DNAH8: variants seen among roughly 807,000 people sequenced by gnomAD.
The protein encoded by DNAH8 is dynein axonemal heavy chain 8, also known as axonemal beta dynein heavy chain 8.
A neutral mutation model predicts 562.1 loss-of-function variants in DNAH8; 382 were observed. The ratio of observed to expected loss-of-function variants is 0.68; its 90% CI spans 0.63 to 0.74. The LOEUF is 0.74. Among genes scored for constraint, DNAH8 ranks in the 30% least tolerant of loss-of-function variants. The probability of loss-of-function intolerance (pLI) is 0.00; values close to 1 mark genes in which losing one functional copy is unlikely to be tolerated. For missense variants in DNAH8, 5,203 were observed against 5,620.4 expected, an observed-to-expected ratio of 0.93 and a Z score of 2.37; for synonymous variants, 1,881 against 1,919.4, an observed-to-expected ratio of 0.98 and a Z score of 0.52.
chr6:38,763,111 T>A (rs1269630582), intron 11 of DNAH8: 25 of 343,726 alleles, frequency 7.3e-5, no homozygotes, highest in South Asian at 6.1e-4. Flanking sequence ...GGATAATGAC[T>A]ACTTCACTTG....
chr6:38,943,238 A>G (rs1783599199), intron 79 of DNAH8, among the ~76,000 whole-genome samples: 1 of 152,250 alleles, frequency 6.6e-6, no homozygotes, highest in Non-Finnish European at 1.5e-5. Context: ...TGGCTTAGCA[A>G]TAAAGGAGTT....
rs550906613 is a variant in DNAH8, at chr6:38,937,383, A to G, written c.11564-591A>G. 7.9e-5 allele frequency among the ~76,000 whole-genome samples: 12 copies of G among 152,322 alleles called. No individual in the cohort carries two copies. The South Asian group carries it at 2.5e-3, about 32-fold the overall frequency. On this transcript the variant is annotated intron_variant, in intron 77 of 92. Coordinates refer to ENST00000327475, the MANE Select transcript of DNAH8 (RefSeq NM_001206927.2). The stretch of plus-strand genomic sequence containing the variant: ...AAAAAAAATAATGAAAGGCAAAACT[A>G]AAAATAAAATTCAAGTTTCTCTTCC...
At chr6:38,751,213 C>T (rs1162117968) in intron 9 of DNAH8, among the ~76,000 whole-genome samples, 2 of 152,128 alleles carry the variant, frequency 1.3e-5, no homozygotes, top group African/African-American at 4.8e-5. Context: ...ATTGGAAGGC[C>T]CCAGTCCCTT....
rs147729642 is a variant in DNAH8 at position 38,931,883 on chromosome 6, C to T, written c.11347C>T (p.Pro3783Ser). Residue 3783 changes from proline to serine, a missense_variant, in exon 76 of 93, where the codon CCT becomes TCT. By Grantham distance (74) the Pro-to-Ser change is moderately conservative. Around this residue, in one of 6 missense-constraint regions of DNAH8, gnomAD observed 1,399 missense variants for 1,518.4 expected, o/e 0.92. Coordinates refer to ENST00000327475, the MANE Select transcript of DNAH8 (RefSeq NM_001206927.2). The part of the protein sequence containing the change: ...KLYITTKLPN[P>S]AFTPEINAKT... ...TTACATTACTACGAAGTTACCAAAT[C>T]CTGCCTTTACCCCAGAGATTAATGC... 44 of 1,611,142 alleles carry T rather than the reference C, an allele frequency of 2.7e-5. No homozygotes were observed. The highest frequency in any genetic ancestry group is 4.5e-5 in the East Asian group (2 of 44,668).
At chr6:38,904,184 G>A (rs1583313871) in intron 62 of DNAH8, among the ~76,000 whole-genome samples, 1 of 152,254 alleles carries the variant, frequency 6.6e-6, no homozygotes, top group East Asian at 1.9e-4. Context: ...TGAGAATTTA[G>A]TTCAGTACAT....
rs754916668 is a variant in DNAH8, at chr6:38,945,545, T to G, written c.12086T>G (p.Val4029Gly). ...CTTGACATGACTTGGCTGAATCTTG[T>G]GGAGCTGAGTAAACTTCCACAATTT... ...WILDMTWLNL[V>G]ELSKLPQFAE... The change falls in exon 80 of 93, where the codon GTG becomes GGG. Residue 4029 changes from valine (V) to glycine (G), a missense_variant. By Grantham distance (109) the Val-to-Gly change is moderately radical (BLOSUM62 -3). This residue lies in a region of DNAH8 where 1,399 missense variants were observed against 1,518.4 expected (regional missense o/e 0.92). Transcript: ENST00000327475. 3 of 1,614,156 alleles carry G rather than the reference T, an allele frequency of 1.9e-6. No individual in the cohort carries two copies. Among genetic ancestry groups the G allele is most frequent in the Admixed American group, 3.3e-5 (2 of 60,030 alleles).
chr6:38,931,798 T>C lies in DNAH8; in HGVS notation c.11275-13T>C. On this transcript the variant is annotated splice_polypyrimidine_tract_variant and intron_variant, in intron 75 of 92. Coordinates refer to ENST00000327475, the MANE Select transcript of DNAH8 (RefSeq NM_001206927.2). ...TTTAAGCTGTTTTTAATTTTATATG[T>C]GAATTTATGTAGGTGAAAGTCGGTG... 1 of 1,516,026 alleles carries C rather than the reference T, an allele frequency of 6.6e-7. No homozygotes were observed. The highest frequency in any genetic ancestry group is 8.9e-7 in the Non-Finnish European group (1 of 1,129,140). The allele number at this position is 1,516,026 out of a possible 1,614,324, so 93.9% of individuals were successfully genotyped here. A position where few individuals can be genotyped will look rare whatever the true frequency, so the allele number is the denominator to read the frequency against.
At chr6:38,754,239 A>G (rs1359084321) in intron 9 of DNAH8, among the ~76,000 whole-genome samples, 7 of 152,184 alleles carry the variant, frequency 4.6e-5, no homozygotes, top group African/African-American at 1.2e-4. Flanking sequence ...TAAAGTTCAG[A>G]TGAAGGACGT....
intron 3 of DNAH8, among the ~76,000 whole-genome samples, chr6:38,724,343 T>C (rs1763030558): frequency 6.6e-6 from 1 of 152,192 alleles, no homozygotes; most frequent in Non-Finnish European, 1.5e-5. Context: ...AGTTAGCAAC[T>C]AGAATTTTGG....
At chr6:38,768,855 T>A (rs2127619047) in intron 11 of DNAH8, among the ~76,000 whole-genome samples, 1 of 152,322 alleles carries the variant, frequency 6.6e-6, no homozygotes, top group Non-Finnish European at 1.5e-5. Context: ...TTGTTTTTAT[T>A]GCTACTTGCA....
At chr6:38,955,956 A>G (rs1182070747) in intron 82 of DNAH8, among the ~76,000 whole-genome samples, 2 of 152,226 alleles carry the variant, frequency 1.3e-5, no homozygotes, top group Non-Finnish European at 2.9e-5. Flanking sequence ...GAGTTTGGCT[A>G]TAGCCCTTTT....
intron 21 of DNAH8, among the ~76,000 whole-genome samples, chr6:38,802,251 G>C (rs1738232): frequency 0.85 from 128,441 of 151,050 alleles, 54,672 homozygotes; most frequent in South Asian, 0.89. Context: ...TTACTTTTAC[G>C]TTTTTTTTTT....
rs1781436233 is a variant in DNAH8 at position 38,917,967 on chromosome 6, C to T, written c.10351C>T (p.Pro3451Ser). The T allele has an allele frequency of 3.1e-6, 5 of 1,613,678 alleles. No individual in the cohort carries two copies. Among genetic ancestry groups the T allele is most frequent in the African/African-American group, 2.7e-5 (2 of 74,998 alleles). ...ATTCCTGTGGAGCCTTCAGCAGTTC[C>T]CTAAGGACACTATAAATGAAGAGAC... Reference protein sequence around the residue: ...TGFLWSLQQFPKDTINEETVE... With the variant: ...TGFLWSLQQFSKDTINEETVE... The change falls in exon 70 of 93, where the codon CCT becomes TCT. Residue 3451 changes from proline (P) to serine (S), a missense_variant. Pro to Ser is a moderately conservative substitution (Grantham distance 74). This residue lies in a region of DNAH8 where 1,399 missense variants were observed against 1,518.4 expected (regional missense o/e 0.92). Coordinates refer to ENST00000327475, the MANE Select transcript of DNAH8 (RefSeq NM_001206927.2).
At chr6:38,833,479 G>A (rs1377099430) in intron 31 of DNAH8, among the ~76,000 whole-genome samples, 2 of 152,078 alleles carry the variant, frequency 1.3e-5, no homozygotes, top group African/African-American at 4.8e-5. Flanking sequence ...AACAGACACA[G>A]CCAGTCAGGC....
At chr6:39,008,350 G>A (rs56800988) in intron 88 of DNAH8, among the ~76,000 whole-genome samples, 16,565 of 151,802 alleles carry the variant, frequency 0.11, 1,077 homozygotes, top group Admixed American at 0.2. Flanking sequence ...AGAAAACCAA[G>A]CAGAAAAGAC....
At chr6:38,948,505 A>T (rs919680096) in intron 80 of DNAH8, among the ~76,000 whole-genome samples, 4 of 151,846 alleles carry the variant, frequency 2.6e-5, no homozygotes, top group Non-Finnish European at 4.4e-5. Flanking sequence ...CGCCCGGCTA[A>T]TTTTTTTATT....
intron 26 of DNAH8, among the ~76,000 whole-genome samples, chr6:38,821,467 A>G (rs1772834059): frequency 1.3e-5 from 2 of 152,222 alleles, no homozygotes; most frequent in Admixed American, 6.5e-5. Context: ...AATTGATAAG[A>G]TGATCCTAAA....
At chr6:38,867,752 C>CAAAAAAAAAAA (rs68060910) in intron 47 of DNAH8, among the ~76,000 whole-genome samples, 3 of 88,790 alleles carry the variant, frequency 3.4e-5, no homozygotes, top group Admixed American at 1.2e-4. Context: ...GACTCCATCT[C>CAAAAAAAAAAA]AAAAAAAAAA....
chr6:38,853,270 A>ATAAT lies in DNAH8; in HGVS notation c.5659_5662dup (p.Arg1888AsnfsTer2), dbSNP rs1291624685. 33 of 1,613,348 alleles carry ATAAT rather than the reference A, an allele frequency of 2.0e-5. No homozygotes were observed. Among genetic ancestry groups the ATAAT allele is most frequent in the Non-Finnish European group, 2.7e-5 (32 of 1,179,692 alleles). ...AATGCAGATGTCATCATTACATAAT[A>ATAAT]TAATTAGATCCGCTTTCTATCAAAT... On this transcript the variant is annotated frameshift_variant, in exon 41 of 93. Transcript: ENST00000327475. LOFTEE classifies it high-confidence loss of function.
Sources: allele counts gnomAD v4.1 joint callset (sites outside exome capture counted in the v4.1 genomes callset), GRCh38; gene constraint gnomAD v4.1.1; regional missense constraint gnomAD v4.1.1; transcripts MANE v1.5; gene names NCBI Gene and HGNC (gene_info 2026-07-23, HGNC 2026-07-21).